ADK: variants seen among roughly 807,000 people sequenced by gnomAD.
ADK encodes N6,N6-dimethyladenosine kinase.
A neutral mutation model predicts 44.7 loss-of-function variants in ADK; 24 were observed. The ratio of observed to expected loss-of-function variants is 0.54; its 90% CI spans 0.39 to 0.76. The LOEUF (loss-of-function observed/expected upper bound fraction) is 0.76. Among genes scored for constraint, ADK ranks in the 30% least tolerant of loss-of-function variants. ADK has a pLI of 0.00. For missense variants in ADK, 321 were observed against 425.1 expected (o/e 0.76, Z 2.15); for synonymous variants, 128 against 142.6 (o/e 0.90, Z 0.73).
At chr10:74,314,961 T>C (rs1840566170) in intron 4 of ADK, among the ~76,000 whole-genome samples, 1 of 152,146 alleles carries the variant, frequency 6.6e-6, no homozygotes, top group African/African-American at 2.4e-5. Flanking sequence ...TATTGTTCAT[T>C]TGTGTTTCTT....
chr10:74,694,365 A>G (rs1856099786), intron 10 of ADK, among the ~76,000 whole-genome samples: 1 of 151,668 alleles, frequency 6.6e-6, no homozygotes, highest in Admixed American at 6.6e-5. Context: ...AGCCTGGGCA[A>G]CCTAGTGAGG....
intron 1 of ADK, among the ~76,000 whole-genome samples, chr10:74,181,216 G>A (rs1489744655): frequency 2.0e-5 from 3 of 152,042 alleles, no homozygotes; most frequent in South Asian, 2.1e-4. Flanking sequence ...ATTCAACTCT[G>A]AGGAATTCCT....
intron 7 of ADK, among the ~76,000 whole-genome samples, chr10:74,533,449 T>C (rs1157953243): frequency 1.3e-5 from 2 of 152,304 alleles, no homozygotes; most frequent in East Asian, 3.9e-4. Context: ...AAATAGTCAA[T>C]GGAACAGAAG....
chr10:74,566,201 CTTTTTTT>C (rs772254919), intron 7 of ADK, among the ~76,000 whole-genome samples: 1 of 114,024 alleles, frequency 8.8e-6, no homozygotes, highest in Non-Finnish European at 1.7e-5. Flanking sequence ...CTCTCTCTCT[CTTTTTTT>C]TTTTTTTTTT....
intron 4 of ADK, among the ~76,000 whole-genome samples, chr10:74,332,267 T>G (rs1192153000): frequency 1.3e-5 from 2 of 152,224 alleles, no homozygotes; most frequent in Non-Finnish European, 2.9e-5. Flanking sequence ...GATGATAATA[T>G]TAGATGAGAG....
At chr10:74,461,985 C>G (rs1293161772) in intron 6 of ADK, among the ~76,000 whole-genome samples, 3 of 152,034 alleles carry the variant, frequency 2.0e-5, no homozygotes, top group African/African-American at 7.2e-5. Context: ...TCTGTTAGAG[C>G]TTTGAATCTA....
intron 3 of ADK, among the ~76,000 whole-genome samples, chr10:74,240,782 TTA>T (rs1395447832): frequency 3.9e-5 from 6 of 152,182 alleles, no homozygotes; most frequent in Non-Finnish European, 2.9e-5. Context: ...TATTTGAAAA[TTA>T]TATGCATTTT....
intron 4 of ADK, among the ~76,000 whole-genome samples, chr10:74,317,279 C>T (rs1471858699): frequency 1.3e-5 from 2 of 152,138 alleles, no homozygotes; most frequent in African/African-American, 4.8e-5. Flanking sequence ...TTCTTATCTG[C>T]TCAATATCCT....
chr10:74,314,294 T>A (rs577620851), intron 3 of ADK, among the ~76,000 whole-genome samples: 1 of 152,230 alleles, frequency 6.6e-6, no homozygotes, highest in East Asian at 1.9e-4. Flanking sequence ...AAATACATGC[T>A]GATTTCTGTA....
Position 74,580,247 on chromosome 10 carries a change from G to C in ADK, c.727-9035G>C, listed in dbSNP as rs761390312. 2.6e-5 allele frequency among the ~76,000 whole-genome samples: 4 copies of C among 152,164 alleles called. No homozygotes were observed. The South Asian group carries it at 8.3e-4, about 31-fold the overall frequency. ...TCTTTCCCATCCTATTCTCATGGTAGTGTATAAGTCTCATGAGATCTGATG... is the reference window on the plus strand; with the variant it reads ...TCTTTCCCATCCTATTCTCATGGTACTGTATAAGTCTCATGAGATCTGATG... On this transcript the variant is annotated intron_variant, in intron 7 of 10. Coordinates refer to ENST00000539909, the MANE Select transcript of ADK (RefSeq NM_006721.4).
chr10:74,314,797 T>C, intron 4 of ADK, 52 bp downstream of exon 4: 1 of 1,295,292 alleles, frequency 7.7e-7, no homozygotes, highest in Non-Finnish European at 1.1e-6. Flanking sequence ...TCTAGACCCA[T>C]GTCTATTTTG....
At chr10:74,189,016 C>T (rs975849682) in intron 1 of ADK, among the ~76,000 whole-genome samples, 3 of 152,114 alleles carry the variant, frequency 2.0e-5, no homozygotes, top group African/African-American at 7.2e-5. Flanking sequence ...CGTGATCCGC[C>T]CACCTTGGCC....
At chr10:74,238,959 C>A (rs1006643161) in intron 3 of ADK, among the ~76,000 whole-genome samples, 14 of 142,508 alleles carry the variant, frequency 9.8e-5, no homozygotes, top group African/African-American at 3.6e-4. Flanking sequence ...CTTCCAGTTT[C>A]AAATGATACT....
At chr10:74,674,873 C>G (rs1384399738) in intron 10 of ADK, among the ~76,000 whole-genome samples, 1 of 141,666 alleles carries the variant, frequency 7.1e-6, no homozygotes, top group Non-Finnish European at 1.5e-5. Flanking sequence ...CAGAGTGAGA[C>G]CCTGTCTCAA....
At chr10:74,353,879 A>C (rs1437425799) in intron 4 of ADK, among the ~76,000 whole-genome samples, 1 of 152,172 alleles carries the variant, frequency 6.6e-6, no homozygotes, top group Admixed American at 6.5e-5. Flanking sequence ...AAGAAAAAAA[A>C]ACTTCAGTTT....
intron 9 of ADK, among the ~76,000 whole-genome samples, chr10:74,617,175 A>G (rs971282582): frequency 6.6e-6 from 1 of 152,174 alleles, no homozygotes; most frequent in African/African-American, 2.4e-5. Context: ...TTTTCTTACT[A>G]CACTAGTTAG....
At chr10:74,587,884 G>A (rs1272984653) in intron 7 of ADK, among the ~76,000 whole-genome samples, 1 of 152,002 alleles carries the variant, frequency 6.6e-6, no homozygotes, top group Non-Finnish European at 1.5e-5. Context: ...TTGTCATTTA[G>A]TAACCTGTTA....
At chr10:74,496,131 G>T (rs927639476) in intron 6 of ADK, among the ~76,000 whole-genome samples, 22 of 152,262 alleles carry the variant, frequency 1.4e-4, no homozygotes, top group Middle Eastern at 6.8e-3. Context: ...CCTTTGGAGG[G>T]GGCGAGGGGG....
rs377366787 is a variant in ADK, at chr10:74,462,913, A to G, written c.556-62343A>G. Among the ~76,000 whole-genome samples, 27 of 152,298 alleles carry G rather than the reference A, an allele frequency of 1.8e-4. 1 individual carries two copies. The highest frequency in any genetic ancestry group is 6.8e-3 in the Middle Eastern group (2 of 294). On this transcript the variant is annotated intron_variant, in intron 6 of 10. Coordinates refer to ENST00000539909, the MANE Select transcript of ADK (RefSeq NM_006721.4). ...AGATGACTCTCATATAAAATTTAGA[A>G]TAAACATGAAAGTTTTAGCATGTCC...
Sources: allele counts gnomAD v4.1 joint callset (sites outside exome capture counted in the v4.1 genomes callset), GRCh38; gene constraint gnomAD v4.1.1; transcripts MANE v1.5; gene names NCBI Gene and HGNC (gene_info 2026-07-23, HGNC 2026-07-21).